CCDC91: variants seen among roughly 807,000 people sequenced by gnomAD.
The protein encoded by CCDC91 is coiled-coil domain containing 91.
A neutral mutation model predicts 63.2 loss-of-function variants in CCDC91; 48 were observed. That is an observed-to-expected ratio of 0.76 (90% CI 0.60 to 0.97). The LOEUF (loss-of-function observed/expected upper bound fraction) is 0.97, where lower values mean the gene tolerates loss of function less well. Ranked by LOEUF, CCDC91 falls within the 50% of genes least tolerant of loss-of-function variation. The probability of loss-of-function intolerance (pLI) is 0.00; values close to 1 mark genes in which losing one functional copy is unlikely to be tolerated. For synonymous variants in CCDC91, 167 were observed against 165.8 expected, an observed-to-expected ratio of 1.01 and a Z score of -0.06; for missense variants, 500 against 494.6, an observed-to-expected ratio of 1.01 and a Z score of -0.10.
chr12:28,324,232 G>C (rs1940778927), intron 6 of CCDC91, among the ~76,000 whole-genome samples: 1 of 151,754 alleles, frequency 6.6e-6, no homozygotes, highest in Non-Finnish European at 1.5e-5. Context: ...AGAATGGCTT[G>C]GCTTTGAGAT....
intron 3 of CCDC91, among the ~76,000 whole-genome samples, chr12:28,284,811 G>A (rs1478804917): frequency 6.6e-6 from 1 of 152,164 alleles, no homozygotes; most frequent in Non-Finnish European, 1.5e-5. Flanking sequence ...AAGATAGGCT[G>A]TTTACTCTGA....
intron 3 of CCDC91, among the ~76,000 whole-genome samples, chr12:28,274,297 A>T (rs1215274662): frequency 4.6e-5 from 7 of 152,060 alleles, no homozygotes; most frequent in Admixed American, 1.3e-4. Flanking sequence ...TTTGTTCTTT[A>T]GGCTTAGGAT....
intron 12 of CCDC91, among the ~76,000 whole-genome samples, chr12:28,544,739 G>T (rs1433639987): frequency 6.6e-6 from 1 of 152,000 alleles, no homozygotes; most frequent in Admixed American, 6.6e-5. Context: ...AATTGACTTT[G>T]AATGTTGCAC....
intron 11 of CCDC91, among the ~76,000 whole-genome samples, chr12:28,466,029 T>C (rs535028656): frequency 1.8e-4 from 27 of 152,150 alleles, no homozygotes; most frequent in South Asian, 1.7e-3. Flanking sequence ...ATTGGCATAC[T>C]GAAGAATGCA....
intron 12 of CCDC91, among the ~76,000 whole-genome samples, chr12:28,547,072 C>A (rs1943041198): frequency 6.6e-6 from 1 of 152,028 alleles, no homozygotes. Context: ...ATTGTGTGGA[C>A]CCTCTCAAAC....
At chr12:28,474,987 G>A (rs115778492) in intron 11 of CCDC91, among the ~76,000 whole-genome samples, 79 of 152,104 alleles carry the variant, frequency 5.2e-4, no homozygotes, top group African/African-American at 1.8e-3. Context: ...GGAATTCATA[G>A]GAATGGTTAC....
chr12:28,383,254 T>C (rs1945402977), intron 7 of CCDC91, among the ~76,000 whole-genome samples: 1 of 152,162 alleles, frequency 6.6e-6, no homozygotes, highest in African/African-American at 2.4e-5. Flanking sequence ...TCTACACCCA[T>C]AAGTTAACAT....
chr12:28,204,741 G>A (rs866671722), intron 1 of CCDC91, among the ~76,000 whole-genome samples: 21 of 152,142 alleles, frequency 1.4e-4, no homozygotes, highest in Admixed American at 2.6e-4. Flanking sequence ...ATATATTGCT[G>A]CCAAAGGCTC....
At chr12:28,230,269 A>T (rs1367382929) in intron 1 of CCDC91, among the ~76,000 whole-genome samples, 5 of 152,164 alleles carry the variant, frequency 3.3e-5, no homozygotes, top group Admixed American at 6.5e-5. Flanking sequence ...TCAATCCTCC[A>T]TATATTCTGG....
intron 8 of CCDC91, among the ~76,000 whole-genome samples, chr12:28,423,561 A>G (rs1352921238): frequency 6.6e-6 from 1 of 152,046 alleles, no homozygotes; most frequent in Non-Finnish European, 1.5e-5. Context: ...GCATATTTTC[A>G]CATTTGTATA....
At chr12:28,507,711 G>T (rs1802129761) in intron 12 of CCDC91, among the ~76,000 whole-genome samples, 1 of 151,918 alleles carries the variant, frequency 6.6e-6, no homozygotes, top group Non-Finnish European at 1.5e-5. Context: ...TTAATAATCA[G>T]CTGATACTAG....
chr12:28,400,964 C>T (rs1192208727), intron 8 of CCDC91, among the ~76,000 whole-genome samples: 4 of 152,118 alleles, frequency 2.6e-5, no homozygotes, highest in Non-Finnish European at 5.9e-5. Context: ...CTTCCTGGCT[C>T]CTGAGTCCTC....
intron 12 of CCDC91, among the ~76,000 whole-genome samples, chr12:28,506,860 TAA>T (rs539633200): frequency 2.3e-4 from 31 of 133,636 alleles, no homozygotes; most frequent in Admixed American, 3.0e-4. Context: ...CCTTCAGGGG[TAA>T]AAAAAAAAAA....
intron 3 of CCDC91, chr12:28,268,547 A>T: frequency 2.3e-6 from 1 of 435,888 alleles, no homozygotes; most frequent in Non-Finnish European, 3.1e-6. Context: ...CCACATTTTC[A>T]TAGAATCTGT....
chr12:28,419,915 C>T (rs1167636549), intron 8 of CCDC91, among the ~76,000 whole-genome samples: 3 of 151,930 alleles, frequency 2.0e-5, no homozygotes, highest in Non-Finnish European at 4.4e-5. Context: ...TGGCACCACA[C>T]CTGGCTAATT....
chr12:28,484,975 G>A (rs1456156004), intron 12 of CCDC91, among the ~76,000 whole-genome samples: 2 of 151,188 alleles, frequency 1.3e-5, no homozygotes, highest in East Asian at 1.9e-4. Context: ...AACATATATT[G>A]CATTACATAA....
At position 28,391,104 on chromosome 12, in the gene CCDC91, A is replaced by T. The variant is rs117463638; in HGVS notation, c.655-200A>T. 4.5e-3 allele frequency among the ~76,000 whole-genome samples: 692 copies of T among 152,136 alleles called. 2 individuals are homozygous for T. The highest frequency in any genetic ancestry group is 7.5e-3 in the Non-Finnish European group (513 of 67,964). On this transcript the variant is annotated intron_variant, in intron 7 of 12. Coordinates refer to ENST00000536442, the MANE Select transcript of CCDC91 (RefSeq NM_018318.5). ...GGAACGTCTGAGCCAAAAAATTGTTATCTTGGCAATAGGAAAATGTAAAAG... is the reference window on the plus strand; with the variant it reads ...GGAACGTCTGAGCCAAAAAATTGTTTTCTTGGCAATAGGAAAATGTAAAAG...
chr12:28,362,382 A>T, intron 6 of CCDC91, 56 bp from the exon 7 acceptor site: 2 of 1,269,802 alleles, frequency 1.6e-6, no homozygotes, highest in Non-Finnish European at 2.2e-6. Flanking sequence ...TGGTTTTATT[A>T]TTTTGAAAAC....
intron 12 of CCDC91, among the ~76,000 whole-genome samples, chr12:28,497,653 A>C (rs1366227101): frequency 6.6e-6 from 1 of 151,622 alleles, no homozygotes; most frequent in Non-Finnish European, 1.5e-5. Context: ...ATTGAGTCAT[A>C]AAATAGTCCC....
Sources: allele counts gnomAD v4.1 joint callset (sites outside exome capture counted in the v4.1 genomes callset), GRCh38; gene constraint gnomAD v4.1.1; transcripts MANE v1.5; gene names NCBI Gene and HGNC (gene_info 2026-07-23, HGNC 2026-07-21).